The following EPO variants were observed in gnomAD, a reference collection of about 807,000 sequenced individuals.
The protein encoded by EPO is epoetin.
Under a neutral mutation model 24.4 loss-of-function variants are expected in EPO, and 12 were observed. The observed-to-expected ratio is 0.49, with a 90% CI of 0.32 to 0.80. EPO has a LOEUF of 0.80. Ranked by LOEUF, EPO falls within the 30% of genes least tolerant of loss-of-function variation. The pLI, the probability that EPO is intolerant of heterozygous loss-of-function variation, is 0.04. For missense variants in EPO, 210 were observed against 238.0 expected (o/e 0.88, Z 0.77); for synonymous variants, 107 against 104.0 (o/e 1.03, Z -0.18).
At position 100,721,541 on chromosome 7, in the gene EPO, C is replaced by G. The variant is rs372196419; in HGVS notation, c.14-17C>G. The G allele has an allele frequency of 3.7e-6, 6 of 1,611,156 alleles. No individual in the cohort carries two copies. In the African/African-American group the frequency reaches 8.0e-5, roughly 22 times the overall value. On this transcript the variant is annotated splice_polypyrimidine_tract_variant and intron_variant, in intron 1 of 4. Coordinates refer to ENST00000252723, the MANE Select transcript of EPO (RefSeq NM_000799.4). The surrounding 1 kb of genome is among the most constrained non-coding windows in gnomAD (Gnocchi z 4.0). ...TCTCCCTCCCCGCCTGACTCTCAGC[C>G]TGGCTATCTGTTCTAGAATGTCCTG...
rs986539430 is a variant in EPO at position 100,721,420 on chromosome 7, G to T, written c.14-138G>T. The stretch of plus-strand genomic sequence containing the variant: ...GCAGCAGGATTGAATGAAGGCCAGG[G>T]AGGCAGCACCTGAGTGCTTGCATGG... On this transcript the variant is annotated intron_variant, in intron 1 of 4. Transcript: ENST00000252723. The surrounding 1 kb of genome is among the most constrained non-coding windows in gnomAD (Gnocchi z 4.0). 1.8e-6 allele frequency: 2 copies of T among 1,123,308 alleles called. No individual in the cohort carries two copies. The highest frequency in any genetic ancestry group is 2.5e-5 in the East Asian group (1 of 39,664). The allele number at this position is 1,123,308 out of a possible 1,614,324, so 69.6% of individuals were successfully genotyped here.
intron 3 of EPO, 26 bp downstream of exon 3, chr7:100,722,074 C>A: frequency 7.0e-7 from 1 of 1,436,646 alleles, no homozygotes; most frequent in East Asian, 2.4e-5. Flanking sequence ...TTTTTTTTTC[C>A]TTTCTTTTGG....
At position 100,722,355 on chromosome 7, in the gene EPO, C is replaced by T. The variant is rs1190516197; in HGVS notation, c.246+307C>T. Among the ~76,000 whole-genome samples the T allele has an allele frequency of 3.9e-5, 6 of 151,994 alleles. No individual in the cohort carries two copies. The East Asian group carries it at 7.7e-4, about 20-fold the overall frequency. ...GTCCCAGATATTTGGAAGGCTGAGGCGGGAGGATCGCTTGAGCCCAGGAAT... is the reference window on the plus strand; with the variant it reads ...GTCCCAGATATTTGGAAGGCTGAGGTGGGAGGATCGCTTGAGCCCAGGAAT... On this transcript the variant is annotated intron_variant, in intron 3 of 4. Coordinates refer to ENST00000252723, the MANE Select transcript of EPO (RefSeq NM_000799.4).
At position 100,721,105 on chromosome 7, in the gene EPO, T is replaced by G; in HGVS notation, c.13+112T>G. The stretch of plus-strand genomic sequence containing the variant: ...GCTGGGTTCAAGGACCGGCGACTTG[T>G]CAAGGACCCCGGAAGGGGGAGGGGG... On this transcript the variant is annotated intron_variant, in intron 1 of 4. Transcript: ENST00000252723. This position sits in a 1 kb window ranked among gnomAD's most constrained non-coding sequence, Gnocchi z 4.0. 2.9e-6 allele frequency: 1 copy of G among 344,016 alleles called. No homozygotes were observed. Among genetic ancestry groups the G allele is most frequent in the Non-Finnish European group, 5.1e-6 (1 of 194,190 alleles). The allele number at this position is 344,016 out of a possible 1,614,324, so 21.3% of individuals were successfully genotyped here. A position where few individuals can be genotyped will look rare whatever the true frequency, so the allele number is the denominator to read the frequency against.
chr7:100,721,499 C>G lies in EPO; in HGVS notation c.14-59C>G. On this transcript the variant is annotated intron_variant, in intron 1 of 4. Transcript: ENST00000252723. The surrounding 1 kb of genome is among the most constrained non-coding windows in gnomAD (Gnocchi z 4.0). ...GAGACGTGGGGATGAAGGAAGCTGT[C>G]CTTCCACAGCCACCCTTCTCCCTCC... 1 of 1,579,052 alleles carries G rather than the reference C, an allele frequency of 6.3e-7. No homozygotes were observed. The highest frequency in any genetic ancestry group is 2.3e-5 in the East Asian group (1 of 44,364).
chr7:100,723,123 G>A lies in EPO; in HGVS notation c.572G>A (p.Gly191Glu), dbSNP rs1274219411. Reference sequence around the variant, plus strand: ...TACACAGGGGAGGCCTGCAGGACAGGGGACAGATGACCAGGTGTGTCCACC... The same window carrying A: ...TACACAGGGGAGGCCTGCAGGACAGAGGACAGATGACCAGGTGTGTCCACC... ...KLYTGEACRT[G>E]DR The change falls in exon 5 of 5, where the codon GGG becomes GAG. Residue 191 changes from glycine (G) to glutamate (E), a missense_variant. By Grantham distance (98) the Gly-to-Glu change is moderately conservative (BLOSUM62 -2). Coordinates refer to ENST00000252723, the MANE Select transcript of EPO (RefSeq NM_000799.4). 2.5e-6 allele frequency: 4 copies of A among 1,613,756 alleles called. No individual in the cohort carries two copies. The highest frequency in any genetic ancestry group is 3.4e-6 in the Non-Finnish European group (4 of 1,179,914).
In EPO at chr7:100,723,165, C is replaced by T. The variant is rs1191944609; in HGVS notation, c.*32C>T. ...GTGTCCACCTGGGCATATCCACCAC[C>T]TCCCTCACCAACATTGCTTGTGCCA... On this transcript the variant is annotated 3_prime_UTR_variant, in exon 5 of 5. Coordinates refer to ENST00000252723, the MANE Select transcript of EPO (RefSeq NM_000799.4). The T allele has an allele frequency of 1.3e-6, 2 of 1,597,404 alleles. No homozygotes were observed. The highest frequency in any genetic ancestry group is 2.3e-5 in the South Asian group (2 of 88,144).
Position 100,721,940 on chromosome 7 carries a change from C to A in EPO, c.160-22C>A, listed in dbSNP as rs1284906260. The A allele has an allele frequency of 1.9e-6, 3 of 1,600,808 alleles. No homozygotes were observed. Among genetic ancestry groups the A allele is most frequent in the Admixed American group, 1.8e-5 (1 of 56,088 alleles). On this transcript the variant is annotated intron_variant, in intron 2 of 4. Coordinates refer to ENST00000252723, the MANE Select transcript of EPO (RefSeq NM_000799.4). The surrounding 1 kb of genome is among the most constrained non-coding windows in gnomAD (Gnocchi z 4.0). ...CCAGAGCCTTCAGGGACCCTTGACT[C>A]CCCGGGCTGTGTGCATTTCAGACGG...
Position 100,723,118 on chromosome 7 carries a change from G to A in EPO, c.567G>A (p.Arg189=). ...KLKLYTGEAC[R]TGDR is the part of the protein sequence containing the mutation. The stretch of plus-strand genomic sequence containing the variant: ...AGCTGTACACAGGGGAGGCCTGCAG[G>A]ACAGGGGACAGATGACCAGGTGTGT... The change falls in exon 5 of 5, where the codon AGG becomes AGA. Residue 189 remains arginine, a synonymous_variant. Coordinates refer to ENST00000252723, the MANE Select transcript of EPO (RefSeq NM_000799.4). 1.2e-6 allele frequency: 2 copies of A among 1,613,968 alleles called. No homozygotes were observed. The highest frequency in any genetic ancestry group is 1.7e-6 in the Non-Finnish European group (2 of 1,179,954).
chr7:100,722,631 G>A, intron 3 of EPO, 33 bp from the exon 4 acceptor site: 1 of 1,550,434 alleles, frequency 6.4e-7, no homozygotes, highest in Admixed American at 2.1e-5. Flanking sequence ...GGGTGACATG[G>A]GTCAGCTGAC....
At position 100,720,937 on chromosome 7, in the gene EPO, C is replaced by G. The variant is rs1422504468; in HGVS notation, c.-44C>G. 2.6e-6 allele frequency: 4 copies of G among 1,539,516 alleles called. No homozygotes were observed. In the African/African-American group the frequency reaches 4.2e-5, roughly 16 times the overall value. ...GGATGAGGGCCCCCGGTGTGGTCAC[C>G]CGGCGCGCCCCAGGTCGCTGAGGGA... On this transcript the variant is annotated 5_prime_UTR_variant, in exon 1 of 5. Coordinates refer to ENST00000252723, the MANE Select transcript of EPO (RefSeq NM_000799.4).
At position 100,721,909 on chromosome 7, in the gene EPO, C is replaced by G. The variant is rs1328225044; in HGVS notation, c.160-53C>G. 8 of 1,572,030 alleles carry G rather than the reference C, an allele frequency of 5.1e-6. No homozygotes were observed. In the East Asian group the frequency reaches 6.7e-5, roughly 13 times the overall value. On this transcript the variant is annotated intron_variant, in intron 2 of 4. Transcript: ENST00000252723. This position sits in a 1 kb window ranked among gnomAD's most constrained non-coding sequence, Gnocchi z 4.0. ...GCCAGCAGATCCTACGGCCTGTGGG[C>G]CAGGGCCAGAGCCTTCAGGGACCCT...
At position 100,721,872 on chromosome 7, in the gene EPO, G is replaced by A. The variant is rs1455746544; in HGVS notation, c.160-90G>A. 6.5e-7 allele frequency: 1 copy of A among 1,532,838 alleles called. No homozygotes were observed. The highest frequency in any genetic ancestry group is 8.8e-7 in the Non-Finnish European group (1 of 1,134,768). The allele number at this position is 1,532,838 out of a possible 1,614,324, so 95.0% of individuals were successfully genotyped here. A position where few individuals can be genotyped will look rare whatever the true frequency, so the allele number is the denominator to read the frequency against. On this transcript the variant is annotated intron_variant, in intron 2 of 4. Transcript: ENST00000252723. This position sits in a 1 kb window ranked among gnomAD's most constrained non-coding sequence, Gnocchi z 4.0. The stretch of plus-strand genomic sequence containing the variant: ...GCCCCAAACCATACCTGGAAACTAG[G>A]CAAGGAGCAAAGCCAGCAGATCCTA...
At position 100,720,867 on chromosome 7, in the gene EPO, C is replaced by A; in HGVS notation, c.-114C>A. The A allele has an allele frequency of 7.8e-7, 1 of 1,283,092 alleles. No individual in the cohort carries two copies. Among genetic ancestry groups the A allele is most frequent in the South Asian group, 1.9e-5 (1 of 51,782 alleles). 79.5% of individuals were successfully genotyped at this position (1,283,092 alleles called of 1,614,324 possible). ...ACCGCGCCCCCTGGACAGCCGCCCT[C>A]TCCTCCAGGCCCGTGGGGCTGGCCC... On this transcript the variant is annotated 5_prime_UTR_variant, in exon 1 of 5. Transcript: ENST00000252723.
At position 100,721,158 on chromosome 7, in the gene EPO, G is replaced by A. The variant is rs535187285; in HGVS notation, c.13+165G>A. Reference sequence around the variant, plus strand: ...GGGGCAGCCTCCACGTGCCAGCGGGGACTTGGGGGAGTCCTTGGGGATGGC... The same window carrying A: ...GGGGCAGCCTCCACGTGCCAGCGGGAACTTGGGGGAGTCCTTGGGGATGGC... On this transcript the variant is annotated intron_variant, in intron 1 of 4. Coordinates refer to ENST00000252723, the MANE Select transcript of EPO (RefSeq NM_000799.4). The surrounding 1 kb of genome is among the most constrained non-coding windows in gnomAD (Gnocchi z 4.0). Among the ~76,000 whole-genome samples, 3 of 152,294 alleles carry A rather than the reference G, an allele frequency of 2.0e-5. No individual in the cohort carries two copies. In the South Asian group the frequency reaches 6.2e-4, roughly 32 times the overall value.
rs1806737642 is a variant in EPO, at chr7:100,721,417, AG to A, written c.14-138del. The A allele has an allele frequency of 9.1e-6, 10 of 1,104,844 alleles. No individual in the cohort carries two copies. Among genetic ancestry groups the A allele is most frequent in the Non-Finnish European group, 1.0e-5 (8 of 783,602 alleles). 68.4% of individuals were successfully genotyped at this position (1,104,844 alleles called of 1,614,324 possible). On this transcript the variant is annotated intron_variant, in intron 1 of 4. Transcript: ENST00000252723. This position sits in a 1 kb window ranked among gnomAD's most constrained non-coding sequence, Gnocchi z 4.0. ...ACGGCAGCAGGATTGAATGAAGGCCAGGGAGGCAGCACCTGAGTGCTTGCAT... is the reference window on the plus strand; with the variant it reads ...ACGGCAGCAGGATTGAATGAAGGCCAGGAGGCAGCACCTGAGTGCTTGCAT...
Position 100,720,910 on chromosome 7 carries a change from C to G in EPO, c.-71C>G. ...GCTGGCCCTGCACCGCCGAGCTTCC[C>G]GGGATGAGGGCCCCCGGTGTGGTCA... On this transcript the variant is annotated 5_prime_UTR_variant, in exon 1 of 5. Coordinates refer to ENST00000252723, the MANE Select transcript of EPO (RefSeq NM_000799.4). 1 of 1,501,432 alleles carries G rather than the reference C, an allele frequency of 6.7e-7. No homozygotes were observed. Among genetic ancestry groups the G allele is most frequent in the Non-Finnish European group, 8.9e-7 (1 of 1,128,456 alleles). The allele number at this position is 1,501,432 out of a possible 1,614,324, so 93.0% of individuals were successfully genotyped here. A position where few individuals can be genotyped will look rare whatever the true frequency, so the allele number is the denominator to read the frequency against.
In EPO at chr7:100,721,893, T is replaced by A. The variant is rs1384770863; in HGVS notation, c.160-69T>A. On this transcript the variant is annotated intron_variant, in intron 2 of 4. Coordinates refer to ENST00000252723, the MANE Select transcript of EPO (RefSeq NM_000799.4). The surrounding 1 kb of genome is among the most constrained non-coding windows in gnomAD (Gnocchi z 4.0). ...CTAGGCAAGGAGCAAAGCCAGCAGATCCTACGGCCTGTGGGCCAGGGCCAG... is the reference window on the plus strand; with the variant it reads ...CTAGGCAAGGAGCAAAGCCAGCAGAACCTACGGCCTGTGGGCCAGGGCCAG... The A allele has an allele frequency of 6.4e-7, 1 of 1,555,272 alleles. No homozygotes were observed. Among genetic ancestry groups the A allele is most frequent in the Non-Finnish European group, 8.7e-7 (1 of 1,149,668 alleles).
Position 100,720,660 on chromosome 7 carries a change from A to G in EPO, c.-321A>G. 1 of 266,954 alleles carries G rather than the reference A, an allele frequency of 3.7e-6. No individual in the cohort carries two copies. The allele number at this position is 266,954 out of a possible 1,614,324, so 16.5% of individuals were successfully genotyped here. A position where few individuals can be genotyped will look rare whatever the true frequency, so the allele number is the denominator to read the frequency against. On this transcript the variant is annotated 5_prime_UTR_variant, in exon 1 of 5. Coordinates refer to ENST00000252723, the MANE Select transcript of EPO (RefSeq NM_000799.4). ...CCCCGGGTGGCCCCTACCCCTGGCG[A>G]CCCCTCACGCACACAGCCTCTCCCC...
Sources: allele counts gnomAD v4.1 joint callset (sites outside exome capture counted in the v4.1 genomes callset), GRCh38; gene constraint gnomAD v4.1.1; non-coding constraint Gnocchi (gnomAD v3.1); transcripts MANE v1.5; gene names NCBI Gene and HGNC (gene_info 2026-07-23, HGNC 2026-07-21).